The following EPHB1 variants were observed in gnomAD, a reference collection of about 807,000 sequenced individuals.
The protein encoded by EPHB1 is ephrin type-B receptor 1.
A neutral mutation model predicts 94.4 loss-of-function variants in EPHB1; 30 were observed. The ratio of observed to expected loss-of-function variants is 0.32; its 90% CI spans 0.24 to 0.43. The LOEUF (loss-of-function observed/expected upper bound fraction) is 0.43, where lower values mean the gene tolerates loss of function less well. EPHB1 is among the 20% of genes least tolerant of loss of function. The probability of loss-of-function intolerance (pLI) is 1.00; values close to 1 mark genes in which losing one functional copy is unlikely to be tolerated. For missense variants in EPHB1, 1,055 were observed against 1,308.3 expected, an observed-to-expected ratio of 0.81 and a Z score of 2.99; for synonymous variants, 522 against 489.1, an observed-to-expected ratio of 1.07 and a Z score of -0.89.
chr3:134,905,308 T>C (rs1303207846), intron 1 of EPHB1, among the ~76,000 whole-genome samples: 1 of 152,220 alleles, frequency 6.6e-6, no homozygotes, highest in Non-Finnish European at 1.5e-5. Flanking sequence ...ATATTTTCTC[T>C]GTGAGTTTCC....
At chr3:135,098,822 G>A (rs961406718) in intron 3 of EPHB1, among the ~76,000 whole-genome samples, 3 of 151,926 alleles carry the variant, frequency 2.0e-5, no homozygotes, top group African/African-American at 4.8e-5. Flanking sequence ...AACAAGCCTG[G>A]CCAACACGGT....
At chr3:135,107,882 G>T (rs1322624877) in intron 4 of EPHB1, among the ~76,000 whole-genome samples, 3 of 152,250 alleles carry the variant, frequency 2.0e-5, no homozygotes, top group Non-Finnish European at 2.9e-5. Context: ...AAAAATGATT[G>T]TTTCTGCTGA....
At chr3:135,116,942 A>G (rs1433134845) in intron 4 of EPHB1, among the ~76,000 whole-genome samples, 1 of 152,194 alleles carries the variant, frequency 6.6e-6, no homozygotes, top group Non-Finnish European at 1.5e-5. Context: ...TGGATGTCGC[A>G]TGGATGCTAA....
At chr3:134,920,184 C>T (rs938042201) in intron 1 of EPHB1, among the ~76,000 whole-genome samples, 7 of 152,218 alleles carry the variant, frequency 4.6e-5, no homozygotes, top group Non-Finnish European at 8.8e-5. Flanking sequence ...CTCCCTTCCC[C>T]CAGTCTCCAT....
intron 1 of EPHB1, among the ~76,000 whole-genome samples, chr3:134,866,556 G>C (rs934654832): frequency 6.6e-6 from 1 of 152,184 alleles, no homozygotes; most frequent in African/African-American, 2.4e-5. Context: ...CACTGCTGGA[G>C]TGGGGGTATG....
chr3:135,027,836 T>C (rs1260226476), intron 3 of EPHB1, among the ~76,000 whole-genome samples: 1 of 132,990 alleles, frequency 7.5e-6, no homozygotes, highest in African/African-American at 2.5e-5. Flanking sequence ...AGAATTCGGC[T>C]GTGAATCCAT....
intron 1 of EPHB1, among the ~76,000 whole-genome samples, chr3:134,888,623 G>A (rs768686195): frequency 6.6e-6 from 1 of 150,376 alleles, no homozygotes; most frequent in African/African-American, 2.5e-5. Context: ...CAGGAGAATC[G>A]CTTGAACTAG....
intron 5 of EPHB1, among the ~76,000 whole-genome samples, chr3:135,137,273 A>G (rs1940655728): frequency 6.6e-6 from 1 of 152,200 alleles, no homozygotes. Flanking sequence ...AGGGAACTTT[A>G]GAGGCAGCCA....
intron 3 of EPHB1, among the ~76,000 whole-genome samples, chr3:135,097,698 T>C (rs1201193878): frequency 1.3e-5 from 2 of 152,128 alleles, no homozygotes; most frequent in Non-Finnish European, 2.9e-5. Flanking sequence ...TCATCATGAG[T>C]GATACAAGTG....
At chr3:135,125,447 G>A (rs1217910525) in intron 4 of EPHB1, among the ~76,000 whole-genome samples, 2 of 148,072 alleles carry the variant, frequency 1.4e-5, no homozygotes, top group Admixed American at 1.3e-4. Context: ...CTATGATGCT[G>A]GTCATTCCTG....
chr3:134,915,659 C>T (rs144347885), intron 1 of EPHB1, among the ~76,000 whole-genome samples: 2 of 152,232 alleles, frequency 1.3e-5, no homozygotes, highest in South Asian at 2.1e-4. Flanking sequence ...CTGGTGGGTT[C>T]GTGGTCTCGC....
intron 3 of EPHB1, among the ~76,000 whole-genome samples, chr3:134,966,959 G>A (rs935495940): frequency 2.0e-5 from 3 of 152,188 alleles, no homozygotes; most frequent in Non-Finnish European, 4.4e-5. Context: ...CCAGGGATGG[G>A]GGCACCTGCA....
intron 13 of EPHB1, among the ~76,000 whole-genome samples, chr3:135,247,045 A>C (rs1943944178): frequency 6.6e-6 from 1 of 152,216 alleles, no homozygotes; most frequent in Admixed American, 6.5e-5. Flanking sequence ...AGGCAAAAAC[A>C]CCAAAAACAC....
intron 2 of EPHB1, among the ~76,000 whole-genome samples, chr3:134,939,692 C>T (rs1578213720): frequency 6.6e-6 from 1 of 152,164 alleles, no homozygotes; most frequent in African/African-American, 2.4e-5. Flanking sequence ...GTAGTGGTGG[C>T]TCCAGCCCAG....
intron 13 of EPHB1, among the ~76,000 whole-genome samples, chr3:135,243,581 A>G (rs17712024): frequency 0.1 from 15,778 of 152,238 alleles, 884 homozygotes; most frequent in Middle Eastern, 0.21. Context: ...ATGCCCATTC[A>G]GAAAGCTTCT....
At chr3:135,002,136 C>T (rs562861888) in intron 3 of EPHB1, among the ~76,000 whole-genome samples, 2 of 152,238 alleles carry the variant, frequency 1.3e-5, no homozygotes, top group East Asian at 3.9e-4. Flanking sequence ...ATGGATGGAC[C>T]TTGAAAACAA....
At chr3:134,945,440 C>CA (rs1553869667) in intron 2 of EPHB1, among the ~76,000 whole-genome samples, 1 of 151,946 alleles carries the variant, frequency 6.6e-6, no homozygotes, top group Non-Finnish European at 1.5e-5. Flanking sequence ...GTTATGTTTT[C>CA]TTTTTTTTCC....
intron 1 of EPHB1, among the ~76,000 whole-genome samples, chr3:134,800,692 G>A (rs2108282151): frequency 6.6e-6 from 1 of 152,282 alleles, no homozygotes; most frequent in Admixed American, 6.5e-5. Flanking sequence ...CTCTGCATTT[G>A]CTGAATCAGA....
Position 135,029,048 on chromosome 3 carries a change from C to G in EPHB1, c.805+76996C>G, listed in dbSNP as rs1439632307. On this transcript the variant is annotated intron_variant, in intron 3 of 15. Coordinates refer to ENST00000398015, the MANE Select transcript of EPHB1 (RefSeq NM_004441.5). The stretch of plus-strand genomic sequence containing the variant: ...TTTTATCAGAGACTAGGATTGCAAC[C>G]CCTGCCTTTTTTTGTTTTCCCTTTG... 7.4e-5 allele frequency among the ~76,000 whole-genome samples: 10 copies of G among 134,856 alleles called. No individual in the cohort carries two copies. In the Admixed American group the frequency reaches 8.0e-4, roughly 11 times the overall value. The allele number at this position is 134,856 out of a possible 152,430, so 88.5% of individuals were successfully genotyped here. A position where few individuals can be genotyped will look rare whatever the true frequency, so the allele number is the denominator to read the frequency against.
Sources: gnomAD v4.1 joint callset for allele counts (sites outside exome capture counted in the v4.1 genomes callset) on GRCh38, gnomAD v4.1.1 for gene constraint, MANE v1.5 for transcripts, NCBI Gene and HGNC (gene_info 2026-07-23, HGNC 2026-07-21) for gene names.